ZNF385C: variants seen among roughly 807,000 people sequenced by gnomAD.
ZNF385C encodes CTD-2132N18.2.
A neutral mutation model predicts 35.4 loss-of-function variants in ZNF385C; 28 were observed. That is an observed-to-expected ratio of 0.79 (90% CI 0.59 to 1.08). The LOEUF (loss-of-function observed/expected upper bound fraction) is 1.08. Ranked by LOEUF, ZNF385C falls within the 50% of genes least tolerant of loss-of-function variation. The pLI is 0.00. For synonymous variants in ZNF385C, 248 were observed against 248.2 expected, an observed-to-expected ratio of 1.00 and a Z score of 0.01; for missense variants, 605 against 595.6, an observed-to-expected ratio of 1.02 and a Z score of -0.16.
At chr17:42,083,707 C>A (rs1450973790) in intron 1 of ZNF385C, among the ~76,000 whole-genome samples, 1 of 49,968 alleles carries the variant, frequency 2.0e-5, no homozygotes, top group Non-Finnish European at 3.5e-5. Flanking sequence ...CTTTTCAAGT[C>A]TTTTTTTTTT....
intron 2 of ZNF385C, chr17:42,038,095 A>G (rs1275151971): frequency 2.6e-6 from 4 of 1,533,064 alleles, no homozygotes; most frequent in Admixed American, 2.0e-5. Flanking sequence ...GGGAGTCCAC[A>G]GTTGAGGCTC....
intron 2 of ZNF385C, chr17:42,039,106 C>G (rs1334002881): frequency 2.6e-5 from 4 of 152,138 alleles, no homozygotes; most frequent in African/African-American, 9.7e-5. Context: ...CATAAGTTAG[C>G]CAGGCATGGT....
At chr17:42,052,150 G>T (rs1030861397) in intron 2 of ZNF385C, among the ~76,000 whole-genome samples, 11 of 152,190 alleles carry the variant, frequency 7.2e-5, no homozygotes, top group African/African-American at 2.7e-4. Flanking sequence ...AGAGGGTGGG[G>T]TGTGGTCAGA....
Position 42,095,620 on chromosome 17 carries a change from T to TA in ZNF385C, c.-3+2789dup, listed in dbSNP as rs1374389533. Among the ~76,000 whole-genome samples, 49 of 149,488 alleles carry TA rather than the reference T, an allele frequency of 3.3e-4. No individual in the cohort carries two copies. The highest frequency in any genetic ancestry group is 3.4e-3 in the Middle Eastern group (1 of 290). ...TTCCCTCTCAAGCATCACAGGACAT[T>TA]AAAAAAAAAATTGTCCCAGTTTTGT... On this transcript the variant is annotated intron_variant, in intron 1 of 8. Coordinates refer to ENST00000692273, the MANE Select transcript of ZNF385C (RefSeq NM_001392013.1). The surrounding 1 kb of genome is among the most constrained non-coding windows in gnomAD (Gnocchi z 4.4).
intron 4 of ZNF385C, among the ~76,000 whole-genome samples, chr17:42,033,860 G>A (rs10468487): frequency 0.045 from 6,874 of 152,174 alleles, 526 homozygotes; most frequent in African/African-American, 0.16. Flanking sequence ...AAACTCTCAG[G>A]TGCCTTAAGA....
chr17:42,063,482 C>T (rs1270180439), intron 1 of ZNF385C, among the ~76,000 whole-genome samples: 1 of 152,100 alleles, frequency 6.6e-6, no homozygotes, highest in Non-Finnish European at 1.5e-5. Flanking sequence ...GAGCCAAGAT[C>T]GGGTGTCATT....
chr17:42,044,986 T>C (rs569103698), intron 2 of ZNF385C, among the ~76,000 whole-genome samples: 2 of 151,850 alleles, frequency 1.3e-5, no homozygotes, highest in African/African-American at 2.4e-5. Flanking sequence ...GGCGCAATCT[T>C]GGCTCACTGC....
intron 2 of ZNF385C, chr17:42,039,960 G>A (rs1205316022): frequency 1.5e-5 from 18 of 1,230,998 alleles, no homozygotes; most frequent in Non-Finnish European, 1.7e-5. Context: ...GGAAGAGCTC[G>A]TGCAGCTCCG....
rs1367023260 is a variant in ZNF385C, at chr17:42,025,917, G to T, written c.*980C>A. 1 of 152,254 alleles carries T rather than the reference G, an allele frequency of 6.6e-6. No homozygotes were observed. 9.4% of individuals were successfully genotyped at this position (152,254 alleles called of 1,614,324 possible). A position where few individuals can be genotyped will look rare whatever the true frequency, so the allele number is the denominator to read the frequency against. On this transcript the variant is annotated 3_prime_UTR_variant, in exon 9 of 9. Transcript: ENST00000692273. The stretch of plus-strand genomic sequence containing the variant: ...TAGTGCTAGGACCAGTTTGGAGTGG[G>T]AAGCTGTAGGGGAAAGCTCTTCCTT...
At chr17:42,071,621 TA>T (rs2053624862) in intron 1 of ZNF385C, among the ~76,000 whole-genome samples, 1 of 151,978 alleles carries the variant, frequency 6.6e-6, no homozygotes. Context: ...GTTGTCTCCA[TA>T]CCCCCTGTCC....
rs567661529 is a variant in ZNF385C, at chr17:42,093,589, T to A, written c.-3+4821A>T. Among the ~76,000 whole-genome samples, 883 of 150,704 alleles carry A rather than the reference T, an allele frequency of 5.9e-3. 7 individuals carry two copies. Among genetic ancestry groups the A allele is most frequent in the Admixed American group, 0.01 (152 of 15,198 alleles). On this transcript the variant is annotated intron_variant, in intron 1 of 8. Coordinates refer to ENST00000692273, the MANE Select transcript of ZNF385C (RefSeq NM_001392013.1). ...ACTTTTTATTTTATTTTATTTATTT[T>A]TTTTTTTTTGAGAGAGGGTCTCACT...
At position 42,083,465 on chromosome 17, in the gene ZNF385C, C is replaced by T. The variant is rs555903356; in HGVS notation, c.-3+14945G>A. Among the ~76,000 whole-genome samples, 14 of 151,876 alleles carry T rather than the reference C, an allele frequency of 9.2e-5. No homozygotes were observed. The East Asian group carries it at 1.8e-3, about 19-fold the overall frequency. The stretch of plus-strand genomic sequence containing the variant: ...CTCATGATCCACCCACCTCGGCCTC[C>T]GAAAGTGTTGGGATTACAGGCATGA... On this transcript the variant is annotated intron_variant, in intron 1 of 8. Transcript: ENST00000692273.
Position 42,034,269 on chromosome 17 carries a change from G to GCTT in ZNF385C, c.463_465dup (p.Lys155dup), listed in dbSNP as rs1210948821. On this transcript the variant is annotated inframe_insertion, in exon 4 of 9. Coordinates refer to ENST00000692273, the MANE Select transcript of ZNF385C (RefSeq NM_001392013.1). ...TGACAGATGTTACAGGAAATGAACA[G>GCTT]CTTCTTCTTCAGAGGGGAGGGGACA... 1 of 1,550,618 alleles carries GCTT rather than the reference G, an allele frequency of 6.4e-7. No homozygotes were observed. The highest frequency in any genetic ancestry group is 1.2e-5 in the South Asian group (1 of 84,054).
chr17:42,055,302 AG>A (rs2053356364), intron 2 of ZNF385C, among the ~76,000 whole-genome samples: 1 of 152,098 alleles, frequency 6.6e-6, no homozygotes, highest in South Asian at 2.1e-4. Context: ...TAACCCACCC[AG>A]AGACACAGAC....
chr17:42,052,723 G>A (rs919265688), intron 2 of ZNF385C, among the ~76,000 whole-genome samples: 2 of 152,164 alleles, frequency 1.3e-5, no homozygotes, highest in Non-Finnish European at 2.9e-5. Flanking sequence ...CCTTCACAAA[G>A]ATAGATGCAT....
At chr17:42,075,492 C>CTTTT (rs1233607606) in intron 1 of ZNF385C, among the ~76,000 whole-genome samples, 2 of 135,518 alleles carry the variant, frequency 1.5e-5, no homozygotes, top group Non-Finnish European at 1.6e-5. Flanking sequence ...CTTTATACTC[C>CTTTT]TTTTTTTTTT....
Position 42,031,707 on chromosome 17 carries a change from C to T in ZNF385C, c.588G>A (p.Gln196=). ...LKAVEAAKSK[Q]RPHTQAQDGA... is the part of the protein sequence containing the mutation. ...CATCCTGGGCCTGGGTGTGTGGCCT[C>T]TGCTTGCTCTTGGCAGCCTCGACAG... Residue 196 remains glutamine, a synonymous_variant, in exon 5 of 9, where the codon CAG becomes CAA. Transcript: ENST00000692273. 6.4e-7 allele frequency: 1 copy of T among 1,550,792 alleles called. No individual in the cohort carries two copies. Among genetic ancestry groups the T allele is most frequent in the Non-Finnish European group, 8.7e-7 (1 of 1,147,050 alleles).
In ZNF385C at chr17:42,037,747, T is replaced by C. The variant is rs1490925510; in HGVS notation, c.389A>G (p.Asn130Ser). The C allele has an allele frequency of 6.5e-6, 10 of 1,531,592 alleles. No individual in the cohort carries two copies. The highest frequency in any genetic ancestry group is 8.8e-6 in the Non-Finnish European group (10 of 1,139,006). 94.9% of individuals were successfully genotyped at this position (1,531,592 alleles called of 1,614,324 possible). A position where few individuals can be genotyped will look rare whatever the true frequency, so the allele number is the denominator to read the frequency against. ...NGAAPLSLFP[N>S]FSTMDPVQKA... The stretch of plus-strand genomic sequence containing the variant: ...CAGCCCAGCCCATACCGTGCTGAAG[T>C]TGGGGAAGAGACTGAGCGGGGCAGC... Residue 130 changes from asparagine to serine, a missense_variant, in exon 3 of 9, where the codon AAC (asparagine) becomes AGC (serine). Physicochemically the swap from Asn to Ser is conservative, Grantham distance 46. Transcript: ENST00000692273.
chr17:42,044,849 G>A (rs1295164184), intron 2 of ZNF385C, among the ~76,000 whole-genome samples: 8 of 151,666 alleles, frequency 5.3e-5, no homozygotes, highest in Non-Finnish European at 8.8e-5. Context: ...CCCCAGGCAC[G>A]AGGCCAGGAT....
Sources: gnomAD v4.1 joint callset for allele counts (sites outside exome capture counted in the v4.1 genomes callset) on GRCh38, gnomAD v4.1.1 for gene constraint, Gnocchi (gnomAD v3.1) non-coding constraint, MANE v1.5 for transcripts, NCBI Gene and HGNC (gene_info 2026-07-23, HGNC 2026-07-21) for gene names.